ITSN2: variants seen among roughly 807,000 people sequenced by gnomAD.
ITSN2 encodes the protein intersectin-2.
ITSN2 carries 156 observed loss-of-function variants against 243.7 expected under a neutral mutation model. The observed-to-expected ratio is 0.64, with a 90% CI of 0.56 to 0.73. ITSN2 has a LOEUF of 0.73. ITSN2 is among the 30% of genes least tolerant of loss of function. The pLI, the probability that ITSN2 is intolerant of heterozygous loss-of-function variation, is 0.00. For missense variants in ITSN2, 1,801 were observed against 1,996.1 expected, an observed-to-expected ratio of 0.90 and a Z score of 1.86; for synonymous variants, 703 against 699.9, an observed-to-expected ratio of 1.00 and a Z score of -0.07.
chr2:24,310,802 C>A, intron 5 of ITSN2, 110 bp from the exon 6 acceptor site: 1 of 830,202 alleles, frequency 1.2e-6, no homozygotes, highest in East Asian at 2.7e-5. Flanking sequence ...CCAAAACACA[C>A]AGATGAATTA....
intron 27 of ITSN2, among the ~76,000 whole-genome samples, chr2:24,247,326 C>T (rs1330014681): frequency 1.3e-5 from 2 of 152,182 alleles, no homozygotes; most frequent in Admixed American, 6.5e-5. Context: ...GTTCATGACT[C>T]TGCCAGGAGA....
intron 29 of ITSN2, chr2:24,240,057 T>G (rs532642670): frequency 6.6e-6 from 1 of 152,124 alleles, no homozygotes; most frequent in Non-Finnish European, 1.5e-5. Flanking sequence ...TGATTTGAAC[T>G]ATAAAAATAC....
Position 24,300,047 on chromosome 2 carries a change from T to C in ITSN2, c.1206A>G (p.Glu402=), listed in dbSNP as rs1304676962. The C allele has an allele frequency of 6.8e-6, 11 of 1,614,218 alleles. No individual in the cohort carries two copies. The South Asian group carries it at 1.1e-4, about 16-fold the overall frequency. The part of the protein sequence containing the change: ...EAERKAQKEK[E]EWERKQRELQ... ...ATTCTCTCTGTTTTCGTTCCCACTC[T>C]TCCTTTTCTTTCTGGGCTTTACGTT... Residue 402 remains glutamate (E), a synonymous_variant, in exon 12 of 40, where the codon GAA becomes GAG. Coordinates refer to ENST00000355123, the MANE Select transcript of ITSN2 (RefSeq NM_006277.3).
At chr2:24,212,327 C>A (rs1490569081) in intron 33 of ITSN2, among the ~76,000 whole-genome samples, 1 of 152,184 alleles carries the variant, frequency 6.6e-6, no homozygotes. Context: ...GGCTCCACAA[C>A]TGGAGACCTA....
At chr2:24,263,232 G>A (rs1313014114) in intron 20 of ITSN2, among the ~76,000 whole-genome samples, 9 of 151,552 alleles carry the variant, frequency 5.9e-5, no homozygotes, top group Admixed American at 4.6e-4. Flanking sequence ...CCATTTGTCC[G>A]TGAGCTTTAT....
At chr2:24,250,049 T>A (rs7563234) in intron 25 of ITSN2, among the ~76,000 whole-genome samples, 1 of 152,210 alleles carries the variant, frequency 6.6e-6, no homozygotes, top group South Asian at 2.1e-4. Flanking sequence ...TTTCACTTAA[T>A]AATGTCTTTA....
At chr2:24,230,681 T>C (rs899656129) in intron 29 of ITSN2, among the ~76,000 whole-genome samples, 2 of 151,968 alleles carry the variant, frequency 1.3e-5, no homozygotes, top group African/African-American at 4.8e-5. Flanking sequence ...GGCTGGAGAA[T>C]TGCTTGAACC....
At chr2:24,302,981 C>T (rs1295759289) in intron 9 of ITSN2, among the ~76,000 whole-genome samples, 2 of 152,188 alleles carry the variant, frequency 1.3e-5, no homozygotes, top group African/African-American at 2.4e-5. Flanking sequence ...AACGCATTAC[C>T]TATGTGTCTG....
At chr2:24,342,053 C>G (rs769441798) in intron 1 of ITSN2, among the ~76,000 whole-genome samples, 2 of 152,038 alleles carry the variant, frequency 1.3e-5, no homozygotes, top group African/African-American at 4.8e-5. Context: ...CTCTAGAACA[C>G]GAAGTTAGAA....
intron 1 of ITSN2, among the ~76,000 whole-genome samples, chr2:24,328,848 T>C (rs964792859): frequency 6.6e-6 from 1 of 152,196 alleles, no homozygotes; most frequent in Non-Finnish European, 1.5e-5. Context: ...TCAAGGGGTT[T>C]ATAAAATAGT....
intron 29 of ITSN2, among the ~76,000 whole-genome samples, chr2:24,230,686 T>C (rs543792946): frequency 1.3e-5 from 2 of 152,144 alleles, no homozygotes; most frequent in South Asian, 4.1e-4. Context: ...GAGAATTGCT[T>C]GAACCCAGGA....
intron 17 of ITSN2, 79 bp downstream of exon 17, chr2:24,284,684 A>C: frequency 3.7e-6 from 3 of 819,844 alleles, no homozygotes; most frequent in African/African-American, 1.7e-5. Flanking sequence ...ACTCAGATAA[A>C]GGCAAAGAAT....
At chr2:24,221,366 C>A in intron 29 of ITSN2, 1 of 291,350 alleles carries the variant, frequency 3.4e-6, no homozygotes, top group Non-Finnish European at 6.4e-6. Flanking sequence ...AGACATTTTT[C>A]GAAGTTACTG....
At chr2:24,243,804 C>T (rs909263191) in intron 29 of ITSN2, among the ~76,000 whole-genome samples, 3 of 152,168 alleles carry the variant, frequency 2.0e-5, no homozygotes, top group African/African-American at 7.2e-5. Context: ...CTTCTAGAGG[C>T]ATGCTGTCTA....
At position 24,271,849 on chromosome 2, in the gene ITSN2, T is replaced by G; in HGVS notation, c.2174A>C (p.Gln725Pro). Residue 725 changes from glutamine to proline, a missense_variant, in exon 19 of 40, where the codon CAA (glutamine) becomes CCA (proline). Physicochemically the swap from Gln to Pro is moderately conservative, Grantham distance 76 (BLOSUM62 -1). This residue lies in a region of ITSN2 where 787 missense variants were observed against 803.9 expected (regional missense o/e 0.98). Coordinates refer to ENST00000355123, the MANE Select transcript of ITSN2 (RefSeq NM_006277.3). ...CCGTTCCTCTTCTTGAATTTTTTCT[T>G]GTGTTTTTTCTTCCTGGAGTCGCTT... ...KQKRLQEEKT[Q>P]EKIQEEERKA... The G allele has an allele frequency of 6.2e-7, 1 of 1,610,960 alleles. No homozygotes were observed. Among genetic ancestry groups the G allele is most frequent in the Non-Finnish European group, 8.5e-7 (1 of 1,179,398 alleles).
intron 15 of ITSN2, 131 bp downstream of exon 15, chr2:24,293,557 A>G (rs1244676894): frequency 2.3e-6 from 1 of 435,066 alleles, no homozygotes; most frequent in Non-Finnish European, 4.2e-6. Flanking sequence ...TTTATTTTGA[A>G]ACTTTAAACT....
chr2:24,222,022 G>A (rs1005710797), intron 29 of ITSN2, among the ~76,000 whole-genome samples: 10 of 152,208 alleles, frequency 6.6e-5, no homozygotes, highest in Non-Finnish European at 1.3e-4. Context: ...GGAGGCCAAG[G>A]TGGGTGTATC....
intron 22 of ITSN2, among the ~76,000 whole-genome samples, chr2:24,260,779 CT>C (rs1189144260): frequency 6.6e-6 from 1 of 151,618 alleles, no homozygotes; most frequent in African/African-American, 2.4e-5. Context: ...TGGCAGGCAC[CT>C]GTAATCCCAG....
At chr2:24,227,284 A>G (rs892139233) in intron 29 of ITSN2, among the ~76,000 whole-genome samples, 113 of 42,934 alleles carry the variant, frequency 2.6e-3, no homozygotes, top group African/African-American at 9.7e-3. Flanking sequence ...AGATGAGCTC[A>G]AAGTAAAAAA....
Sources: allele counts gnomAD v4.1 joint callset (sites outside exome capture counted in the v4.1 genomes callset), GRCh38; gene constraint gnomAD v4.1.1; regional missense constraint gnomAD v4.1.1; transcripts MANE v1.5; gene names NCBI Gene and HGNC (gene_info 2026-07-23, HGNC 2026-07-21).